GRID1: variants seen among roughly 807,000 people sequenced by gnomAD.
The protein encoded by GRID1 is glutamate ionotropic receptor delta type subunit 1, also known as glutamate receptor ionotropic, delta-1.
GRID1 carries 28 observed loss-of-function variants against 98.0 expected under a neutral mutation model. The ratio of observed to expected loss-of-function variants is 0.29; its 90% CI spans 0.21 to 0.39. The LOEUF (loss-of-function observed/expected upper bound fraction) is 0.39. GRID1 is among the 10% of genes least tolerant of loss of function. The pLI is 1.00. For missense variants in GRID1, 1,111 were observed against 1,340.5 expected (o/e 0.83, Z 2.67); for synonymous variants, 553 against 538.5 (o/e 1.03, Z -0.37).
chr10:85,637,247 A>G (rs773904415), intron 13 of GRID1, among the ~76,000 whole-genome samples: 1 of 152,232 alleles, frequency 6.6e-6, no homozygotes, highest in African/African-American at 2.4e-5. Context: ...TTAGGTGGTG[A>G]AAAAAGAAAT....
chr10:85,746,765 C>T (rs1478428562), intron 8 of GRID1, among the ~76,000 whole-genome samples: 4 of 151,986 alleles, frequency 2.6e-5, no homozygotes, highest in South Asian at 2.1e-4. Flanking sequence ...GTTAAAGTCA[C>T]CCATCCAATC....
At chr10:86,086,508 AG>A (rs1443655072) in intron 4 of GRID1, among the ~76,000 whole-genome samples, 1 of 152,194 alleles carries the variant, frequency 6.6e-6, no homozygotes, top group Admixed American at 6.5e-5. Flanking sequence ...ACCATCACAC[AG>A]ATAGTCAGCG....
intron 12 of GRID1, among the ~76,000 whole-genome samples, chr10:85,652,205 C>G (rs1843280227): frequency 6.6e-6 from 1 of 152,192 alleles, no homozygotes; most frequent in Non-Finnish European, 1.5e-5. Flanking sequence ...CTGTCCTCCC[C>G]ACACCTTTCT....
chr10:86,089,717 A>G (rs1172986665), intron 4 of GRID1, among the ~76,000 whole-genome samples: 1 of 152,188 alleles, frequency 6.6e-6, no homozygotes, highest in Non-Finnish European at 1.5e-5. Flanking sequence ...GCAAGGAAAT[A>G]CAATATATAA....
At chr10:86,116,606 C>T (rs1037762716) in intron 4 of GRID1, among the ~76,000 whole-genome samples, 3 of 152,146 alleles carry the variant, frequency 2.0e-5, no homozygotes, top group Non-Finnish European at 2.9e-5. Context: ...TCATCTATTT[C>T]CAGAGGTGAG....
intron 2 of GRID1, among the ~76,000 whole-genome samples, chr10:86,349,766 C>T (rs1358128186): frequency 6.6e-6 from 1 of 152,148 alleles, no homozygotes; most frequent in Non-Finnish European, 1.5e-5. Flanking sequence ...AGCAGAGTTC[C>T]CATGAGTCCC....
chr10:86,088,901 A>AC (rs1238464200), intron 4 of GRID1, among the ~76,000 whole-genome samples: 1 of 152,090 alleles, frequency 6.6e-6, no homozygotes, highest in Non-Finnish European at 1.5e-5. Context: ...TGCAGGCAAA[A>AC]AAAAAAATGC....
intron 12 of GRID1, among the ~76,000 whole-genome samples, chr10:85,708,333 G>A (rs1380534415): frequency 6.6e-6 from 1 of 151,854 alleles, no homozygotes; most frequent in Non-Finnish European, 1.5e-5. Context: ...GAGCCCAGGA[G>A]GCGGAGCTTG....
rs2132514261 is a variant in GRID1, at chr10:85,613,530, G to A, written c.2478C>T (p.Leu826=). 2 of 1,614,216 alleles carry A rather than the reference G, an allele frequency of 1.2e-6. No individual in the cohort carries two copies. The highest frequency in any genetic ancestry group is 2.2e-5 in the East Asian group (1 of 44,872). Residue 826 remains leucine (L), a synonymous_variant, in exon 15 of 16, where the codon CTC becomes CTT. Transcript: ENST00000327946. ...AGACCCCGGCGAAGCTGTGCAGCTT[G>A]AGGGATTTGCCGTCGGCCTGGGCGC... The part of the protein sequence containing the change: ...HASAQADGKS[L]KLHSFAGVFC...
At chr10:85,990,970 C>T (rs1340247428) in intron 4 of GRID1, among the ~76,000 whole-genome samples, 4 of 152,126 alleles carry the variant, frequency 2.6e-5, no homozygotes, top group African/African-American at 7.2e-5. Flanking sequence ...CCATTTAATG[C>T]TTACCTCCAC....
chr10:86,203,741 A>AGAACCCCAGCTCTGGG (rs1480877681), intron 3 of GRID1, among the ~76,000 whole-genome samples: 1 of 151,896 alleles, frequency 6.6e-6, no homozygotes, highest in Admixed American at 6.6e-5. Context: ...CTTCTGACTG[A>AGAACCCCAGCTCTGGG]GAACCCCAGC....
intron 3 of GRID1, among the ~76,000 whole-genome samples, chr10:86,168,580 G>A (rs1199965131): frequency 1.3e-5 from 2 of 152,222 alleles, no homozygotes; most frequent in East Asian, 3.9e-4. Context: ...AGGATTCTGA[G>A]CCAAGTGCCC....
intron 12 of GRID1, among the ~76,000 whole-genome samples, chr10:85,657,060 T>C (rs75352846): frequency 9.2e-4 from 140 of 152,272 alleles, no homozygotes; most frequent in African/African-American, 3.3e-3. Context: ...CCCTCCCACC[T>C]TGGGGTTTCT....
chr10:85,991,666 T>C (rs1372303445), intron 4 of GRID1, among the ~76,000 whole-genome samples: 1 of 152,168 alleles, frequency 6.6e-6, no homozygotes, highest in East Asian at 1.9e-4. Flanking sequence ...CTGTGTCAAA[T>C]GTCACCAAGG....
intron 2 of GRID1, among the ~76,000 whole-genome samples, chr10:86,271,254 T>C (rs1053933036): frequency 1.3e-5 from 2 of 152,224 alleles, no homozygotes; most frequent in African/African-American, 4.8e-5. Context: ...TCAGTAGTAG[T>C]AGCTCTGTCC....
At chr10:85,647,920 T>C (rs901298031) in intron 12 of GRID1, 1 of 153,192 alleles carries the variant, frequency 6.5e-6, no homozygotes, top group Non-Finnish European at 1.5e-5. Flanking sequence ...AGAGACCAAC[T>C]GACTCAGGGT....
intron 4 of GRID1, among the ~76,000 whole-genome samples, chr10:86,104,208 G>C (rs1408624669): frequency 6.6e-6 from 1 of 152,198 alleles, no homozygotes; most frequent in African/African-American, 2.4e-5. Flanking sequence ...GGTAGAAGGG[G>C]CTAGTTCCTC....
intron 8 of GRID1, among the ~76,000 whole-genome samples, chr10:85,747,825 G>T (rs978830661): frequency 8.5e-5 from 13 of 152,080 alleles, no homozygotes; most frequent in African/African-American, 3.1e-4. Flanking sequence ...GTAAAAGATG[G>T]GTCTTCCCAT....
At chr10:86,203,138 G>A (rs1784447034) in intron 3 of GRID1, among the ~76,000 whole-genome samples, 2 of 152,194 alleles carry the variant, frequency 1.3e-5, no homozygotes, top group South Asian at 4.1e-4. Flanking sequence ...GGTACTTGCA[G>A]ATCAGCATTG....
Sources: allele counts gnomAD v4.1 joint callset (sites outside exome capture counted in the v4.1 genomes callset), GRCh38; gene constraint gnomAD v4.1.1; transcripts MANE v1.5; gene names NCBI Gene and HGNC (gene_info 2026-07-23, HGNC 2026-07-21).